The following MLLT1 variants were observed in gnomAD, a reference collection of about 807,000 sequenced individuals.
MLLT1 encodes MLLT1 super elongation complex subunit, also known as protein ENL.
Under a neutral mutation model 55.1 loss-of-function variants are expected in MLLT1, and 11 were observed. The ratio of observed to expected loss-of-function variants is 0.20; its 90% CI spans 0.13 to 0.33. MLLT1 has a LOEUF of 0.33. MLLT1 is among the 10% of genes least tolerant of loss of function. MLLT1 has a pLI of 1.00. For synonymous variants in MLLT1, 323 were observed against 320.1 expected (o/e 1.01, Z -0.10); for missense variants, 536 against 760.6 (o/e 0.70, Z 3.47).
At chr19:6,249,877 C>T (rs541987341) in intron 3 of MLLT1, among the ~76,000 whole-genome samples, 2 of 151,950 alleles carry the variant, frequency 1.3e-5, no homozygotes, top group Non-Finnish European at 2.9e-5. Flanking sequence ...CAAAAATTAG[C>T]CAGGTATGGT....
chr19:6,236,030 G>T (rs1409623888), intron 3 of MLLT1, among the ~76,000 whole-genome samples: 1 of 152,130 alleles, frequency 6.6e-6, no homozygotes, highest in African/African-American at 2.4e-5. Context: ...GTCCTGTTTT[G>T]TTCCTGATGG....
chr19:6,267,327 T>C (rs1407832201), intron 2 of MLLT1, among the ~76,000 whole-genome samples: 1 of 151,272 alleles, frequency 6.6e-6, no homozygotes, highest in East Asian at 1.9e-4. Flanking sequence ...TGGTCTTGAA[T>C]TCTTGACCTC....
chr19:6,242,674 A>C (rs2091126505), intron 3 of MLLT1, among the ~76,000 whole-genome samples: 1 of 152,110 alleles, frequency 6.6e-6, no homozygotes, highest in Non-Finnish European at 1.5e-5. Context: ...ACTTAGACTG[A>C]AGGAAGAGGA....
intron 7 of MLLT1, among the ~76,000 whole-genome samples, chr19:6,217,346 T>C (rs1357342650): frequency 6.6e-6 from 1 of 151,868 alleles, no homozygotes; most frequent in Non-Finnish European, 1.5e-5. Context: ...TGCCTGGGAG[T>C]GGGTGCTGGG....
At chr19:6,269,510 G>A (rs2091377571) in intron 2 of MLLT1, among the ~76,000 whole-genome samples, 1 of 152,216 alleles carries the variant, frequency 6.6e-6, no homozygotes, top group Non-Finnish European at 1.5e-5. Flanking sequence ...GGAAAGAGAA[G>A]CCGCAGGCTG....
Position 6,262,191 on chromosome 19 carries a change from A to G in MLLT1, c.276+37T>C. 1 of 1,566,772 alleles carries G rather than the reference A, an allele frequency of 6.4e-7. No homozygotes were observed. Reference sequence around the variant, plus strand: ...TGGCACCCGGAGCAGGGGTCCCCACAGAGAGGCATCCTGCTTGCTCCCCTC... The same window carrying G: ...TGGCACCCGGAGCAGGGGTCCCCACGGAGAGGCATCCTGCTTGCTCCCCTC... On this transcript the variant is annotated intron_variant, in intron 3 of 11. Coordinates refer to ENST00000252674, the MANE Select transcript of MLLT1 (RefSeq NM_005934.4). This position sits in a 1 kb window ranked among gnomAD's most constrained non-coding sequence, Gnocchi z 4.4.
At chr19:6,257,517 C>T (rs939839778) in intron 3 of MLLT1, among the ~76,000 whole-genome samples, 11 of 151,768 alleles carry the variant, frequency 7.2e-5, no homozygotes, top group Admixed American at 3.3e-4. Context: ...AAATGGACAA[C>T]GGGCTGGGCA....
intron 5 of MLLT1, among the ~76,000 whole-genome samples, chr19:6,225,190 C>A (rs945197232): frequency 6.6e-6 from 1 of 152,234 alleles, no homozygotes; most frequent in Non-Finnish European, 1.5e-5. Flanking sequence ...CTGCCTGCCA[C>A]GCCACTCTTG....
chr19:6,266,436 C>T (rs1256635656), intron 2 of MLLT1, among the ~76,000 whole-genome samples: 2 of 152,068 alleles, frequency 1.3e-5, no homozygotes, highest in Non-Finnish European at 2.9e-5. Flanking sequence ...GGGTTTACTG[C>T]CCACGTCTTA....
In MLLT1 at chr19:6,211,951, G is replaced by A. The variant is rs1296742320; in HGVS notation, c.*1091C>T. On this transcript the variant is annotated 3_prime_UTR_variant, in exon 12 of 12. Transcript: ENST00000252674. This position sits in a 1 kb window ranked among gnomAD's most constrained non-coding sequence, Gnocchi z 4.6. ...AAAGGCAGCCTGGGAGGGCCAGCCCGGCCAACCCACCGGGCCTGCTGATGG... is the reference window on the plus strand; with the variant it reads ...AAAGGCAGCCTGGGAGGGCCAGCCCAGCCAACCCACCGGGCCTGCTGATGG... 16 of 1,065,068 alleles carry A rather than the reference G, an allele frequency of 1.5e-5. No homozygotes were observed. The highest frequency in any genetic ancestry group is 1.4e-4 in the South Asian group (3 of 21,984). 66.0% of individuals were successfully genotyped at this position (1,065,068 alleles called of 1,614,324 possible). A position where few individuals can be genotyped will look rare whatever the true frequency, so the allele number is the denominator to read the frequency against.
intron 3 of MLLT1, among the ~76,000 whole-genome samples, chr19:6,238,889 C>T (rs1439657565): frequency 2.0e-5 from 3 of 152,286 alleles, no homozygotes; most frequent in South Asian, 2.1e-4. Flanking sequence ...CTGCTTCAGG[C>T]GGCTACCTTG....
Position 6,214,020 on chromosome 19 carries a change from G to C in MLLT1, c.1326C>G (p.Ser442Arg). 1 of 1,446,458 alleles carries C rather than the reference G, an allele frequency of 6.9e-7. No homozygotes were observed. The highest frequency in any genetic ancestry group is 9.1e-7 in the Non-Finnish European group (1 of 1,101,308). 89.6% of individuals were successfully genotyped at this position (1,446,458 alleles called of 1,614,324 possible). Residue 442 changes from serine to arginine, a missense_variant, in exon 9 of 12, where the codon AGC (serine) becomes AGG (arginine). Coordinates refer to ENST00000252674, the MANE Select transcript of MLLT1 (RefSeq NM_005934.4). ...AGGAGTCGGCGCTGTTGTCACTCTC[G>C]CTGTCGCTGAAGCTCAACCTGAACC... ...GRDSRLSFSD[S>R]ESDNSADSSL...
At position 6,231,014 on chromosome 19, in the gene MLLT1, C is replaced by CA. The variant is rs1455410152; in HGVS notation, c.277-302dup. On this transcript the variant is annotated intron_variant, in intron 3 of 11. Transcript: ENST00000252674. The surrounding 1 kb of genome is among the most constrained non-coding windows in gnomAD (Gnocchi z 5.1). ...CCTTCAACCCTCACAGCGCCACTGA[C>CA]AGACAGGGAAACCGACGCACAGACA... Among the ~76,000 whole-genome samples, 4 of 152,236 alleles carry CA rather than the reference C, an allele frequency of 2.6e-5. No individual in the cohort carries two copies. Among genetic ancestry groups the CA allele is most frequent in the Non-Finnish European group, 1.5e-5 (1 of 68,046 alleles).
At position 6,219,335 on chromosome 19, in the gene MLLT1, G is replaced by A. The variant is rs981005066; in HGVS notation, c.1111-1294C>T. Among the ~76,000 whole-genome samples, 2 of 152,106 alleles carry A rather than the reference G, an allele frequency of 1.3e-5. No homozygotes were observed. Among genetic ancestry groups the A allele is most frequent in the African/African-American group, 2.4e-5 (1 of 41,418 alleles). ...TGAATCATCACTGGGAAAGCCTGCCGTGGTGCCCATCAGTCACTGCCCACT... is the reference window on the plus strand; with the variant it reads ...TGAATCATCACTGGGAAAGCCTGCCATGGTGCCCATCAGTCACTGCCCACT... On this transcript the variant is annotated intron_variant, in intron 6 of 11. Coordinates refer to ENST00000252674, the MANE Select transcript of MLLT1 (RefSeq NM_005934.4). This position sits in a 1 kb window ranked among gnomAD's most constrained non-coding sequence, Gnocchi z 4.5.
rs1034591904 is a variant in MLLT1 at position 6,212,469 on chromosome 19, C to G, written c.*573G>C. 9.4e-7 allele frequency: 1 copy of G among 1,066,422 alleles called. No homozygotes were observed. Among genetic ancestry groups the G allele is most frequent in the African/African-American group, 1.6e-5 (1 of 61,238 alleles). The allele number at this position is 1,066,422 out of a possible 1,614,324, so 66.1% of individuals were successfully genotyped here. Reference sequence around the variant, plus strand: ...AAACGCACATGGACACTGCTCTTGACCAGACAGTGCACACACATATATAAT... The same window carrying G: ...AAACGCACATGGACACTGCTCTTGAGCAGACAGTGCACACACATATATAAT... On this transcript the variant is annotated 3_prime_UTR_variant, in exon 12 of 12. Transcript: ENST00000252674.
intron 3 of MLLT1, among the ~76,000 whole-genome samples, chr19:6,237,350 C>T (rs1007420702): frequency 9.2e-5 from 14 of 152,178 alleles, no homozygotes; most frequent in Admixed American, 3.3e-4. Context: ...AAGGTCTTCC[C>T]GCTCCTGCCG....
intron 3 of MLLT1, among the ~76,000 whole-genome samples, chr19:6,245,483 G>A (rs1568287692): frequency 6.6e-6 from 1 of 151,930 alleles, no homozygotes; most frequent in Non-Finnish European, 1.5e-5. Context: ...GGCCGAGGTG[G>A]GCGGATCACG....
At chr19:6,213,702 G>A (rs373943619) in intron 10 of MLLT1, 24 bp downstream of exon 10, 5 of 291,618 alleles carry the variant, frequency 1.7e-5, no homozygotes, top group Admixed American at 6.1e-5. Context: ...TAGCCTCCCC[G>A]CCTTGTCGTA....
Position 6,252,379 on chromosome 19 carries a change from C to T in MLLT1, c.276+9849G>A, listed in dbSNP as rs1040881512. ...CGGGACTTCTCGGCCTCCACAATCA[C>T]GTGAGCCTATTCCCCCAATAAGTTC... is the stretch of plus-strand genomic sequence containing the variant. On this transcript the variant is annotated intron_variant, in intron 3 of 11. Transcript: ENST00000252674. Among the ~76,000 whole-genome samples the T allele has an allele frequency of 3.3e-5, 5 of 152,298 alleles. No individual in the cohort carries two copies. The Middle Eastern group carries it at 0.01, about 311-fold the overall frequency.
Sources: gnomAD v4.1 joint callset for allele counts (sites outside exome capture counted in the v4.1 genomes callset) on GRCh38, gnomAD v4.1.1 for gene constraint, Gnocchi (gnomAD v3.1) non-coding constraint, MANE v1.5 for transcripts, NCBI Gene and HGNC (gene_info 2026-07-23, HGNC 2026-07-21) for gene names.